SGPP1: variants seen among roughly 807,000 people sequenced by gnomAD.
SGPP1 encodes the protein sphingosine-1-phosphate phosphatase 1, also known as hSPP1.
SGPP1 carries 21 observed loss-of-function variants against 33.0 expected under a neutral mutation model. That is an observed-to-expected ratio of 0.64 (90% CI 0.45 to 0.92). The LOEUF (loss-of-function observed/expected upper bound fraction) is 0.92. Ranked by LOEUF, SGPP1 falls within the 40% of genes least tolerant of loss-of-function variation. The pLI, the probability that SGPP1 is intolerant of heterozygous loss-of-function variation, is 0.00. For synonymous variants in SGPP1, 239 were observed against 241.2 expected (o/e 0.99, Z 0.08); for missense variants, 543 against 589.4 (o/e 0.92, Z 0.81).
chr14:63,695,181 C>G (rs576451854), intron 2 of SGPP1, among the ~76,000 whole-genome samples: 231 of 152,258 alleles, frequency 1.5e-3, no homozygotes, highest in African/African-American at 5.2e-3. Context: ...CTCAGCCTCC[C>G]CAGTAGCTGG....
chr14:63,703,209 TA>T (rs61018024), intron 1 of SGPP1, among the ~76,000 whole-genome samples: 16,370 of 144,218 alleles, frequency 0.11, 2,051 homozygotes, highest in African/African-American at 0.32. Flanking sequence ...ATACCAGCAA[TA>T]AAAAAAAAAC....
At chr14:63,697,983 G>A (rs894654237) in intron 2 of SGPP1, among the ~76,000 whole-genome samples, 1 of 152,174 alleles carries the variant, frequency 6.6e-6, no homozygotes. Flanking sequence ...AGAGCTAAGG[G>A]GGTGTCAATA....
Position 63,727,690 on chromosome 14 carries a change from G to C in SGPP1, c.255C>G (p.Ala85=), listed in dbSNP as rs975970472. 4.5e-6 allele frequency: 6 copies of C among 1,337,202 alleles called. No homozygotes were observed. The African/African-American group carries it at 9.3e-5, about 21-fold the overall frequency. The allele number at this position is 1,337,202 out of a possible 1,614,324, so 82.8% of individuals were successfully genotyped here. ...CCAGCCCGTTCCGCACGCCGTTGGG[G>C]GCGCCGCCGCCGTCCGGCTTGGCCG... is the stretch of plus-strand genomic sequence containing the variant. ...QCPAKPDGGG[A]PNGVRNGLAA... Residue 85 remains alanine, a synonymous_variant, in exon 1 of 3, where the codon GCC becomes GCG. Coordinates refer to ENST00000247225, the MANE Select transcript of SGPP1 (RefSeq NM_030791.4).
intron 1 of SGPP1, among the ~76,000 whole-genome samples, chr14:63,726,047 C>T (rs1201498875): frequency 6.6e-6 from 1 of 152,212 alleles, no homozygotes; most frequent in Admixed American, 6.5e-5. Context: ...TCCCATGGTA[C>T]TCTTTCCTCC....
intron 2 of SGPP1, among the ~76,000 whole-genome samples, chr14:63,694,374 C>A (rs1222673392): frequency 6.6e-6 from 1 of 151,722 alleles, no homozygotes; most frequent in African/African-American, 2.4e-5. Context: ...ATAATAACTT[C>A]TCATGTATCA....
chr14:63,695,669 T>TGAGAG (rs1251329455), intron 2 of SGPP1, among the ~76,000 whole-genome samples: 2 of 152,168 alleles, frequency 1.3e-5, no homozygotes, highest in Non-Finnish European at 2.9e-5. Flanking sequence ...CCCAGCACCT[T>TGAGAG]GAGAGGTTGA....
intron 2 of SGPP1, among the ~76,000 whole-genome samples, chr14:63,696,314 G>A (rs1312320564): frequency 6.6e-6 from 1 of 152,132 alleles, no homozygotes; most frequent in Non-Finnish European, 1.5e-5. Flanking sequence ...GTATCTTTGA[G>A]ATTATATATT....
At chr14:63,715,575 C>T (rs924276487) in intron 1 of SGPP1, among the ~76,000 whole-genome samples, 1 of 152,222 alleles carries the variant, frequency 6.6e-6, no homozygotes, top group South Asian at 2.1e-4. Context: ...CATTATCCTG[C>T]TGCTAGAGGC....
In SGPP1 at chr14:63,685,241, C is replaced by T. The variant is rs1884945798; in HGVS notation, c.*864G>A. The T allele has an allele frequency of 6.6e-6, 1 of 152,446 alleles. No homozygotes were observed. The highest frequency in any genetic ancestry group is 1.5e-5 in the Non-Finnish European group (1 of 67,898). The allele number at this position is 152,446 out of a possible 1,614,324, so 9.4% of individuals were successfully genotyped here. On this transcript the variant is annotated 3_prime_UTR_variant, in exon 3 of 3. Transcript: ENST00000247225. ...AAGGGTAATTTACTTTTATGCCTGTCACCCTGACATACATTTTTTAAAATA... is the reference window on the plus strand; with the variant it reads ...AAGGGTAATTTACTTTTATGCCTGTTACCCTGACATACATTTTTTAAAATA...
At chr14:63,716,601 G>A (rs1885631913) in intron 1 of SGPP1, among the ~76,000 whole-genome samples, 1 of 152,074 alleles carries the variant, frequency 6.6e-6, no homozygotes, top group South Asian at 2.1e-4. Flanking sequence ...GCTGAGGCAG[G>A]AGGTTCCCTT....
intron 1 of SGPP1, among the ~76,000 whole-genome samples, chr14:63,704,169 G>A (rs1454223935): frequency 1.3e-5 from 2 of 152,070 alleles, no homozygotes; most frequent in African/African-American, 4.8e-5. Context: ...ATACTGAAAA[G>A]CTGATCCTCA....
At chr14:63,710,609 C>G (rs1421698113) in intron 1 of SGPP1, among the ~76,000 whole-genome samples, 1 of 152,198 alleles carries the variant, frequency 6.6e-6, no homozygotes, top group Non-Finnish European at 1.5e-5. Flanking sequence ...ACAGGATCAT[C>G]TTTTCTTTCT....
intron 1 of SGPP1, among the ~76,000 whole-genome samples, chr14:63,719,016 T>A (rs868513976): frequency 0.012 from 383 of 32,300 alleles, no homozygotes; most frequent in Middle Eastern, 0.034. Flanking sequence ...ATATATATAT[T>A]TTTTTTTTTT....
chr14:63,703,718 A>G (rs1159342174), intron 1 of SGPP1, among the ~76,000 whole-genome samples: 1 of 150,890 alleles, frequency 6.6e-6, no homozygotes, highest in Admixed American at 6.6e-5. Flanking sequence ...TATGGATTAG[A>G]AGACTTAATA....
intron 2 of SGPP1, among the ~76,000 whole-genome samples, chr14:63,690,880 A>C (rs928839682): frequency 3.3e-5 from 5 of 151,938 alleles, no homozygotes; most frequent in Non-Finnish European, 5.9e-5. Context: ...ACACTCAGCT[A>C]ATTTTTGTAT....
chr14:63,697,813 C>T (rs1425515090), intron 2 of SGPP1, among the ~76,000 whole-genome samples: 1 of 152,176 alleles, frequency 6.6e-6, no homozygotes, highest in Non-Finnish European at 1.5e-5. Context: ...AGGTAAGAAA[C>T]CCTTTGCATT....
intron 1 of SGPP1, among the ~76,000 whole-genome samples, chr14:63,702,216 G>A (rs1166011875): frequency 2.6e-5 from 4 of 152,148 alleles, no homozygotes; most frequent in Non-Finnish European, 5.9e-5. Context: ...TTAAAAAGGA[G>A]AGATGGAATG....
chr14:63,687,345 C>A (rs748601027), intron 2 of SGPP1, among the ~76,000 whole-genome samples: 1 of 152,104 alleles, frequency 6.6e-6, no homozygotes, highest in Non-Finnish European at 1.5e-5. Context: ...GGGATGGAGG[C>A]ATGAGAATCG....
At chr14:63,713,329 G>A (rs1295451057) in intron 1 of SGPP1, among the ~76,000 whole-genome samples, 1 of 152,080 alleles carries the variant, frequency 6.6e-6, no homozygotes, top group East Asian at 1.9e-4. Context: ...CCTTCTTACT[G>A]ATATATCCAA....
Sources: allele counts gnomAD v4.1 joint callset (sites outside exome capture counted in the v4.1 genomes callset), GRCh38; gene constraint gnomAD v4.1.1; transcripts MANE v1.5; gene names NCBI Gene and HGNC (gene_info 2026-07-23, HGNC 2026-07-21).